ERC2: variants seen among roughly 807,000 people sequenced by gnomAD.
The protein encoded by ERC2 is ELKS/RAB6-interacting/CAST family member 2, also known as ERC protein 2.
In ERC2, 42 loss-of-function variants were observed where a neutral mutation model predicts 114.8. The ratio of observed to expected loss-of-function variants is 0.37; its 90% confidence interval spans 0.29 to 0.47. The LOEUF (loss-of-function observed/expected upper bound fraction) is 0.47. Ranked by LOEUF, ERC2 falls within the 20% of genes least tolerant of loss-of-function variation. The pLI is 0.99. For synonymous variants in ERC2, 454 were observed against 425.5 expected, an observed-to-expected ratio of 1.07 and a Z score of -0.82; for missense variants, 939 against 1,150.7, an observed-to-expected ratio of 0.82 and a Z score of 2.66.
intron 7 of ERC2, among the ~76,000 whole-genome samples, chr3:56,048,658 T>C (rs932002160): frequency 6.6e-5 from 10 of 152,206 alleles, no homozygotes; most frequent in African/African-American, 2.4e-4. Context: ...CCTGGTTATA[T>C]GTTTTTTGAT....
intron 14 of ERC2, among the ~76,000 whole-genome samples, chr3:55,808,701 T>TATATATATATATA (rs2059584205): frequency 1.6e-5 from 1 of 61,738 alleles, no homozygotes; most frequent in South Asian, 8.2e-4. Flanking sequence ...TACCATAATT[T>TATATATATATATA]TATATATATA....
chr3:56,053,222 A>G (rs962921127), intron 7 of ERC2, among the ~76,000 whole-genome samples: 25 of 152,126 alleles, frequency 1.6e-4, no homozygotes, highest in African/African-American at 6.0e-4. Flanking sequence ...TGGTAAGAGG[A>G]GAAGTTAAAG....
At chr3:56,161,858 G>C (rs930552358) in intron 4 of ERC2, among the ~76,000 whole-genome samples, 2 of 152,074 alleles carry the variant, frequency 1.3e-5, no homozygotes, top group Non-Finnish European at 2.9e-5. Flanking sequence ...TTCTTTTCCT[G>C]TTTAGTTGCC....
At chr3:55,641,930 T>A (rs1012318265) in intron 17 of ERC2, among the ~76,000 whole-genome samples, 1 of 152,196 alleles carries the variant, frequency 6.6e-6, no homozygotes, top group Non-Finnish European at 1.5e-5. Flanking sequence ...TTACAAAGAC[T>A]ATTTTAAGGT....
chr3:55,803,270 CTT>C (rs2059372503), intron 14 of ERC2, among the ~76,000 whole-genome samples: 7 of 152,090 alleles, frequency 4.6e-5, no homozygotes, highest in African/African-American at 1.7e-4. Context: ...AATTTTAAAA[CTT>C]ATTATATGAT....
At chr3:55,709,155 G>A (rs1488262707) in intron 15 of ERC2, among the ~76,000 whole-genome samples, 4 of 152,136 alleles carry the variant, frequency 2.6e-5, no homozygotes, top group East Asian at 3.9e-4. Flanking sequence ...GCTAGAAACT[G>A]GAGCGTGAAC....
chr3:56,147,368 T>C (rs539693847), intron 5 of ERC2, among the ~76,000 whole-genome samples: 1 of 152,310 alleles, frequency 6.6e-6, no homozygotes, highest in African/African-American at 2.4e-5. Flanking sequence ...TCTCCACTCC[T>C]TGATCCACGT....
intron 17 of ERC2, among the ~76,000 whole-genome samples, chr3:55,511,712 G>T (rs2052081270): frequency 6.6e-6 from 1 of 152,158 alleles, no homozygotes; most frequent in Admixed American, 6.5e-5. Flanking sequence ...ATTAAAGGTG[G>T]TTAAGATATC....
intron 2 of ERC2, among the ~76,000 whole-genome samples, chr3:56,430,234 T>A (rs564759303): frequency 6.6e-6 from 1 of 152,336 alleles, no homozygotes; most frequent in East Asian, 1.9e-4. Context: ...GAAACCACAA[T>A]CAAATGTCCC....
chr3:56,465,260 A>G (rs1038548962), intron 1 of ERC2, among the ~76,000 whole-genome samples: 1 of 152,158 alleles, frequency 6.6e-6, no homozygotes, highest in Non-Finnish European at 1.5e-5. Context: ...TTAGAGAGGC[A>G]TGGTGGCGGG....
intron 10 of ERC2, among the ~76,000 whole-genome samples, chr3:55,998,513 G>A (rs1277693728): frequency 6.6e-6 from 1 of 152,148 alleles, no homozygotes; most frequent in African/African-American, 2.4e-5. Flanking sequence ...TTGTGTGTAT[G>A]CATGTGTTTA....
chr3:55,822,405 A>T (rs1390567642), intron 14 of ERC2, among the ~76,000 whole-genome samples: 1 of 152,140 alleles, frequency 6.6e-6, no homozygotes, highest in Admixed American at 6.5e-5. Flanking sequence ...AAGACCTGTT[A>T]CACCCCTTAA....
chr3:56,246,331 A>G (rs1361792940), intron 3 of ERC2, among the ~76,000 whole-genome samples: 1 of 152,052 alleles, frequency 6.6e-6, no homozygotes, highest in Non-Finnish European at 1.5e-5. Context: ...GCCTCCACCC[A>G]CAAGCTGCCA....
chr3:56,089,992 T>C (rs1361190432), intron 6 of ERC2, among the ~76,000 whole-genome samples: 1 of 152,162 alleles, frequency 6.6e-6, no homozygotes, highest in Non-Finnish European at 1.5e-5. Context: ...TCTTCCCTTC[T>C]CTAACCATCA....
chr3:55,742,872 C>T (rs2066055928), intron 14 of ERC2, among the ~76,000 whole-genome samples: 1 of 152,200 alleles, frequency 6.6e-6, no homozygotes, highest in Non-Finnish European at 1.5e-5. Flanking sequence ...AATATCAACC[C>T]TACCCACCAG....
chr3:56,341,594 A>G (rs1478739060), intron 2 of ERC2, among the ~76,000 whole-genome samples: 1 of 152,012 alleles, frequency 6.6e-6, no homozygotes, highest in Non-Finnish European at 1.5e-5. Context: ...GGGGCAAAAA[A>G]AAAAAACTAA....
At chr3:56,323,779 CT>C (rs1385477837) in intron 2 of ERC2, among the ~76,000 whole-genome samples, 1 of 152,182 alleles carries the variant, frequency 6.6e-6, no homozygotes, top group Non-Finnish European at 1.5e-5. Context: ...GAGTCACAGC[CT>C]TCCTCATTCG....
chr3:56,287,038 GA>G (rs1285721991), intron 3 of ERC2, among the ~76,000 whole-genome samples: 1 of 152,060 alleles, frequency 6.6e-6, no homozygotes, highest in East Asian at 1.9e-4. Context: ...CGCTCTATCC[GA>G]AACACTTAAG....
At chr3:56,451,969 A>T (rs1373251644) in intron 1 of ERC2, among the ~76,000 whole-genome samples, 1 of 152,232 alleles carries the variant, frequency 6.6e-6, no homozygotes, top group African/African-American at 2.4e-5. Flanking sequence ...CCTATGGAAA[A>T]AAGAGTGTAG....
Sources: gnomAD v4.1 joint callset for allele counts (sites outside exome capture counted in the v4.1 genomes callset) on GRCh38, gnomAD v4.1.1 for gene constraint, MANE v1.5 for transcripts, NCBI Gene and HGNC (gene_info 2026-07-23, HGNC 2026-07-21) for gene names.